Variants in RECK observed in about 807,000 individuals in gnomAD.
The protein encoded by RECK is reversion-inducing cysteine-rich protein with Kazal motifs.
In RECK, 69 loss-of-function variants were observed where a neutral mutation model predicts 115.1. That is an observed-to-expected ratio of 0.60 (90% CI 0.49 to 0.73). The LOEUF (loss-of-function observed/expected upper bound fraction) is 0.73, where lower values mean the gene tolerates loss of function less well. Ranked by LOEUF, RECK falls within the 30% of genes least tolerant of loss-of-function variation. RECK has a pLI of 0.00. For synonymous variants in RECK, 414 were observed against 419.7 expected, an observed-to-expected ratio of 0.99 and a Z score of 0.17; for missense variants, 1,047 against 1,203.7, an observed-to-expected ratio of 0.87 and a Z score of 1.93.
chr9:36,081,832 C>CAA (rs71336424), intron 7 of RECK, among the ~76,000 whole-genome samples: 4,140 of 122,830 alleles, frequency 0.034, 116 homozygotes, highest in African/African-American at 0.085. Context: ...GACTGTGTCT[C>CAA]AAAAAAAAAA....
chr9:36,106,995 A>G (rs1263691006), intron 13 of RECK, among the ~76,000 whole-genome samples: 1 of 151,138 alleles, frequency 6.6e-6, no homozygotes, highest in East Asian at 2.0e-4. Context: ...AGTCCCAGAT[A>G]CTCAGGAGAC....
At chr9:36,117,207 A>G (rs748295258) in intron 17 of RECK, 30 bp downstream of exon 17, 7 of 1,541,132 alleles carry the variant, frequency 4.5e-6, no homozygotes, top group Non-Finnish European at 6.2e-6. Context: ...AAAACAAAGT[A>G]CACTACGGAT....
At chr9:36,086,916 C>G (rs1822987325) in intron 8 of RECK, among the ~76,000 whole-genome samples, 1 of 152,212 alleles carries the variant, frequency 6.6e-6, no homozygotes, top group African/African-American at 2.4e-5. Flanking sequence ...AATACCTCTC[C>G]TGTGAGGACT....
chr9:36,087,645 A>G lies in RECK; in HGVS notation c.638-49A>G, dbSNP rs772385207. The G allele has an allele frequency of 1.9e-6, 3 of 1,576,908 alleles. No individual in the cohort carries two copies. In the East Asian group the frequency reaches 6.7e-5, roughly 35 times the overall value. On this transcript the variant is annotated intron_variant, in intron 8 of 20. Coordinates refer to ENST00000377966, the MANE Select transcript of RECK (RefSeq NM_021111.3). ...TCCCAGAACTTAAAGTACAATAAAA[A>G]CAAACAAAAAAAACAGCTAATTAAG... is the stretch of plus-strand genomic sequence containing the variant.
intron 6 of RECK, among the ~76,000 whole-genome samples, chr9:36,075,713 A>G (rs1199114340): frequency 6.6e-6 from 1 of 152,208 alleles, no homozygotes; most frequent in African/African-American, 2.4e-5. Context: ...ATTTCAACCC[A>G]TCTGTGAAAA....
In RECK at chr9:36,081,620, G is replaced by A. The variant is rs577214476; in HGVS notation, c.439+982G>A. 1.8e-4 allele frequency among the ~76,000 whole-genome samples: 28 copies of A among 152,214 alleles called. 1 individual carries two copies. The South Asian group carries it at 5.6e-3, about 30-fold the overall frequency. ...AGGCAGAGACAGGTGGATCACTTGAGGTCAGGAGTTTGAGACCAGCCTGGC... is the reference window on the plus strand; with the variant it reads ...AGGCAGAGACAGGTGGATCACTTGAAGTCAGGAGTTTGAGACCAGCCTGGC... On this transcript the variant is annotated intron_variant, in intron 7 of 20. Transcript: ENST00000377966.
At chr9:36,095,924 A>AC (rs1284241068) in intron 10 of RECK, among the ~76,000 whole-genome samples, 1 of 148,376 alleles carries the variant, frequency 6.7e-6, no homozygotes, top group African/African-American at 2.5e-5. Context: ...TACAAAAAAA[A>AC]AATTAGCCAG....
At chr9:36,081,060 A>C (rs1822666514) in intron 7 of RECK, among the ~76,000 whole-genome samples, 1 of 152,136 alleles carries the variant, frequency 6.6e-6, no homozygotes, top group African/African-American at 2.4e-5. Context: ...AGTTCAGAGA[A>C]AGAAGGGATC....
At chr9:36,116,890 C>T in intron 16 of RECK, 95 bp from the exon 17 acceptor site, 1 of 975,836 alleles carries the variant, frequency 1.0e-6, no homozygotes, top group Non-Finnish European at 1.6e-6. Flanking sequence ...ATCTCTTGCT[C>T]TCTCTTCAGC....
rs1029003311 is a variant in RECK at position 36,109,707 on chromosome 9, G to A, written c.1766-250G>A. 7.2e-5 allele frequency among the ~76,000 whole-genome samples: 11 copies of A among 152,076 alleles called. No individual in the cohort carries two copies. The East Asian group carries it at 1.9e-3, about 27-fold the overall frequency. The stretch of plus-strand genomic sequence containing the variant: ...AAAAATACAAAAAATATCCAGATGT[G>A]GTGGTGTACACCTATAGTCCCAGTT... On this transcript the variant is annotated intron_variant, in intron 14 of 20. Transcript: ENST00000377966.
intron 13 of RECK, among the ~76,000 whole-genome samples, chr9:36,106,697 T>C (rs1404828949): frequency 6.6e-6 from 1 of 152,158 alleles, no homozygotes; most frequent in Non-Finnish European, 1.5e-5. Flanking sequence ...CAAGATAGTA[T>C]TTTCTGTCCA....
intron 13 of RECK, among the ~76,000 whole-genome samples, chr9:36,106,182 C>G (rs889164340): frequency 1.4e-5 from 2 of 147,732 alleles, no homozygotes; most frequent in African/African-American, 5.0e-5. Context: ...TGCACTCCAG[C>G]CTGCCGGACA....
Position 36,123,196 on chromosome 9 carries a change from A to C in RECK, c.*151A>C. The C allele has an allele frequency of 1.7e-6, 1 of 576,418 alleles. No individual in the cohort carries two copies. Among genetic ancestry groups the C allele is most frequent in the Non-Finnish European group, 3.0e-6 (1 of 329,356 alleles). The allele number at this position is 576,418 out of a possible 1,614,324, so 35.7% of individuals were successfully genotyped here. A position where few individuals can be genotyped will look rare whatever the true frequency, so the allele number is the denominator to read the frequency against. On this transcript the variant is annotated 3_prime_UTR_variant, in exon 21 of 21. Coordinates refer to ENST00000377966, the MANE Select transcript of RECK (RefSeq NM_021111.3). ...CAGTATTTTTTTTTTTAATCCGCCA[A>C]TATTAGTAGGATTTTTGTTTTGTTT...
At chr9:36,116,562 C>T (rs1404718076) in intron 16 of RECK, among the ~76,000 whole-genome samples, 14 of 152,254 alleles carry the variant, frequency 9.2e-5, no homozygotes, top group Admixed American at 9.2e-4. Flanking sequence ...CATGGCCCTT[C>T]TGCTATAGGT....
chr9:36,048,048 A>G (rs1266363506), intron 1 of RECK, among the ~76,000 whole-genome samples: 3 of 149,958 alleles, frequency 2.0e-5, no homozygotes, highest in Admixed American at 1.3e-4. Flanking sequence ...ACTTTTATCT[A>G]ATATGTATAC....
intron 2 of RECK, among the ~76,000 whole-genome samples, chr9:36,053,302 G>C (rs564470434): frequency 1.3e-5 from 2 of 152,132 alleles, no homozygotes; most frequent in Non-Finnish European, 2.9e-5. Context: ...TCTAGCCTTA[G>C]CACTCGAGAA....
At chr9:36,087,329 A>C (rs1216652997) in intron 8 of RECK, among the ~76,000 whole-genome samples, 1 of 152,244 alleles carries the variant, frequency 6.6e-6, no homozygotes. Context: ...GGATGAGTTC[A>C]TGTCCTTTGC....
chr9:36,110,178 C>T (rs1823985680), intron 15 of RECK, 99 bp downstream of exon 15: 2 of 1,290,950 alleles, frequency 1.5e-6, no homozygotes, highest in Non-Finnish European at 2.1e-6. Flanking sequence ...TGCAAATGTA[C>T]ACAATAAAAT....
rs938760869 is a variant in RECK, at chr9:36,094,752, A to T, written c.1085+3409A>T. Among the ~76,000 whole-genome samples, 1 of 152,222 alleles carries T rather than the reference A, an allele frequency of 6.6e-6. No homozygotes were observed. The highest frequency in any genetic ancestry group is 2.4e-5 in the African/African-American group (1 of 41,458). On this transcript the variant is annotated intron_variant, in intron 10 of 20. Coordinates refer to ENST00000377966, the MANE Select transcript of RECK (RefSeq NM_021111.3). This position sits in a 1 kb window ranked among gnomAD's most constrained non-coding sequence, Gnocchi z 4.1. ...ATGAAGATACAATTAACCTAGATAT[A>T]TATGCACCTAATGTCAGATAGATGC...
Sources: allele counts gnomAD v4.1 joint callset (sites outside exome capture counted in the v4.1 genomes callset), GRCh38; gene constraint gnomAD v4.1.1; non-coding constraint Gnocchi (gnomAD v3.1); transcripts MANE v1.5; gene names NCBI Gene and HGNC (gene_info 2026-07-23, HGNC 2026-07-21).